Variants in TBC1D5 observed in about 807,000 individuals in gnomAD.
TBC1D5 encodes TBC1 domain family, member 5.
Under a neutral mutation model 100.3 loss-of-function variants are expected in TBC1D5, and 75 were observed. That is an observed-to-expected ratio of 0.75 (90% CI 0.62 to 0.91). TBC1D5 has a LOEUF of 0.91. TBC1D5 is among the 40% of genes least tolerant of loss of function. The pLI is 0.00. For synonymous variants in TBC1D5, 323 were observed against 325.6 expected (o/e 0.99, Z 0.09); for missense variants, 910 against 942.4 (o/e 0.97, Z 0.45).
chr3:17,553,422 A>C (rs959399167), intron 2 of TBC1D5, among the ~76,000 whole-genome samples: 4 of 152,188 alleles, frequency 2.6e-5, no homozygotes, highest in African/African-American at 7.2e-5. Context: ...AAATGGTACA[A>C]CACCAAGGGA....
intron 1 of TBC1D5, among the ~76,000 whole-genome samples, chr3:17,632,407 G>C (rs532066695): frequency 4.6e-5 from 7 of 152,306 alleles, no homozygotes; most frequent in African/African-American, 1.7e-4. Context: ...CTGTTGAAAT[G>C]ATAACAAAGG....
At chr3:17,655,491 G>C (rs73164768) in intron 1 of TBC1D5, among the ~76,000 whole-genome samples, 7,604 of 148,124 alleles carry the variant, frequency 0.051, 610 homozygotes, top group African/African-American at 0.17. Flanking sequence ...ATTAAAAAAT[G>C]AAACCCACCA....
In TBC1D5 at chr3:17,186,257, T is replaced by C. The variant is rs116437498; in HGVS notation, c.1753-1049A>G. Among the ~76,000 whole-genome samples, 1,343 of 152,284 alleles carry C rather than the reference T, an allele frequency of 8.8e-3. 16 individuals carry two copies. The highest frequency in any genetic ancestry group is 0.031 in the African/African-American group (1,269 of 41,558). The stretch of plus-strand genomic sequence containing the variant: ...GGTATCCTTTCTCTTTGAGAATGAG[T>C]ATAATTTGACTTGTGCATGGAAATT... On this transcript the variant is annotated intron_variant, in intron 18 of 21. Coordinates refer to ENST00000253692, the Ensembl canonical transcript of TBC1D5.
chr3:17,468,447 A>G lies in TBC1D5; in HGVS notation c.98-39928T>C, dbSNP rs546251636. On this transcript the variant is annotated intron_variant, in intron 3 of 21. Transcript: ENST00000253692. ...TGCAACTTATAATAACTTATAATAC[A>G]CTATCAATCCCCTTAAATTGCAATA... is the stretch of plus-strand genomic sequence containing the variant. Among the ~76,000 whole-genome samples the G allele has an allele frequency of 1.4e-3, 209 of 152,264 alleles. 1 individual carries two copies. The highest frequency in any genetic ancestry group is 4.7e-3 in the African/African-American group (194 of 41,552).
At chr3:17,526,099 A>C (rs1351709741) in intron 2 of TBC1D5, among the ~76,000 whole-genome samples, 1 of 152,222 alleles carries the variant, frequency 6.6e-6, no homozygotes, top group African/African-American at 2.4e-5. Flanking sequence ...CCAAGAGAAT[A>C]AAAGGGGAGG....
intron 14 of TBC1D5, among the ~76,000 whole-genome samples, chr3:17,295,853 T>C (rs1455794854): frequency 6.6e-6 from 1 of 152,194 alleles, no homozygotes; most frequent in African/African-American, 2.4e-5. Context: ...ATACATTTTA[T>C]AAAGGTCTCA....
At chr3:17,729,892 T>A (rs1437648666) in intron 1 of TBC1D5, among the ~76,000 whole-genome samples, 1 of 152,124 alleles carries the variant, frequency 6.6e-6, no homozygotes, top group Non-Finnish European at 1.5e-5. Context: ...GCGAATCACC[T>A]GAGGCCAGGA....
At chr3:17,336,175 T>C (rs2151278851) in intron 13 of TBC1D5, among the ~76,000 whole-genome samples, 1 of 152,076 alleles carries the variant, frequency 6.6e-6, no homozygotes, top group South Asian at 2.1e-4. Context: ...AGATAGCTAG[T>C]AAGATATGGA....
intron 18 of TBC1D5, among the ~76,000 whole-genome samples, chr3:17,204,309 C>T (rs1053209509): frequency 2.0e-5 from 3 of 152,186 alleles, no homozygotes; most frequent in Non-Finnish European, 4.4e-5. Context: ...CCCTGTCATG[C>T]ACATCTGCAC....
chr3:17,215,888 A>G lies in TBC1D5; in HGVS notation c.1589-1518T>C, dbSNP rs182168735. ...GTTAGAATAGTAATTATCTACTCCC[A>G]GTACCTGGGAGTCCCTGATTGTCCC... On this transcript the variant is annotated intron_variant, in intron 17 of 21. Transcript: ENST00000253692. Among the ~76,000 whole-genome samples, 450 of 152,246 alleles carry G rather than the reference A, an allele frequency of 3.0e-3. 1 individual carries two copies. The highest frequency in any genetic ancestry group is 5.0e-3 in the Non-Finnish European group (339 of 67,988).
At chr3:17,530,881 CG>C (rs1308818272) in intron 2 of TBC1D5, among the ~76,000 whole-genome samples, 1 of 152,106 alleles carries the variant, frequency 6.6e-6, no homozygotes, top group Non-Finnish European at 1.5e-5. Flanking sequence ...AATATCATAC[CG>C]AATGGACAAA....
At chr3:17,705,047 GGGGCT>G (rs2073862527) in intron 1 of TBC1D5, among the ~76,000 whole-genome samples, 1 of 135,884 alleles carries the variant, frequency 7.4e-6, no homozygotes, top group Admixed American at 7.0e-5. Flanking sequence ...GGCCAGGCGG[GGGGCT>G]GACCCCCCCA....
intron 15 of TBC1D5, among the ~76,000 whole-genome samples, chr3:17,267,646 T>C (rs1025747742): frequency 6.6e-6 from 1 of 152,188 alleles, no homozygotes; most frequent in Non-Finnish European, 1.5e-5. Flanking sequence ...AAAATACTGT[T>C]AGAATTTTTG....
At chr3:17,315,482 T>C (rs576355626) in intron 13 of TBC1D5, among the ~76,000 whole-genome samples, 14 of 152,230 alleles carry the variant, frequency 9.2e-5, no homozygotes, top group Non-Finnish European at 1.8e-4. Context: ...GTGTTACCAG[T>C]GAACCATTCT....
At chr3:17,422,530 A>G (rs1165931357) in intron 4 of TBC1D5, among the ~76,000 whole-genome samples, 1 of 152,004 alleles carries the variant, frequency 6.6e-6, no homozygotes, top group African/African-American at 2.4e-5. Context: ...TGATTAACAA[A>G]ATTATATCAC....
chr3:17,635,893 T>C (rs1454811265), intron 1 of TBC1D5, among the ~76,000 whole-genome samples: 1 of 152,052 alleles, frequency 6.6e-6, no homozygotes, highest in Non-Finnish European at 1.5e-5. Flanking sequence ...GCAAGTGACA[T>C]TTTTAAAAGA....
chr3:17,479,862 G>T (rs2095481144), intron 3 of TBC1D5, among the ~76,000 whole-genome samples: 1 of 152,170 alleles, frequency 6.6e-6, no homozygotes, highest in Non-Finnish European at 1.5e-5. Flanking sequence ...GGGAGCGAGG[G>T]ACAGGCAGGG....
At chr3:17,643,216 C>T (rs919326716) in intron 1 of TBC1D5, among the ~76,000 whole-genome samples, 2 of 152,032 alleles carry the variant, frequency 1.3e-5, no homozygotes, top group African/African-American at 2.4e-5. Flanking sequence ...GTTTGTCTAA[C>T]GTCTTCTCAT....
intron 9 of TBC1D5, among the ~76,000 whole-genome samples, chr3:17,377,549 T>C (rs988750744): frequency 1.3e-5 from 2 of 151,984 alleles, no homozygotes; most frequent in Admixed American, 6.6e-5. Context: ...GATGCTCTTT[T>C]ATAAAAAGAC....
Sources: gnomAD v4.1 joint callset for allele counts (sites outside exome capture counted in the v4.1 genomes callset) on GRCh38, gnomAD v4.1.1 for gene constraint, MANE v1.5 for transcripts, NCBI Gene and HGNC (gene_info 2026-07-23, HGNC 2026-07-21) for gene names.